OR9Q1: variants seen among roughly 807,000 people sequenced by gnomAD.
OR9Q1 encodes olfactory receptor family 9 subfamily Q member 1.
For missense variants in OR9Q1, 374 were observed against 378.8 expected, an observed-to-expected ratio of 0.99 and a Z score of 0.11; for synonymous variants, 153 against 148.6, an observed-to-expected ratio of 1.03 and a Z score of -0.22.
Position 58,097,729 on chromosome 11 carries a change from G to A in OR9Q1, c.-15+41782G>A, listed in dbSNP as rs147478251. Among the ~76,000 whole-genome samples the A allele has an allele frequency of 4.9e-4, 75 of 152,334 alleles. 1 individual carries two copies. The East Asian group carries it at 0.014, about 27-fold the overall frequency. ...TCTAAATGTTCATCAGCAGGTGAAT[G>A]AGTAAACACATTCTGGTATATCCAT... On this transcript the variant is annotated intron_variant, in intron 2 of 2. Transcript: ENST00000335397.
chr11:58,098,011 C>T (rs1853747908), intron 2 of OR9Q1, among the ~76,000 whole-genome samples: 1 of 152,094 alleles, frequency 6.6e-6, no homozygotes, highest in African/African-American at 2.4e-5. Context: ...TGGATATGTC[C>T]TTTATGTTGA....
chr11:58,077,923 GA>G (rs1206068727), intron 2 of OR9Q1: 1 of 152,170 alleles, frequency 6.6e-6, no homozygotes, highest in African/African-American at 2.4e-5. Flanking sequence ...TTAGGAGGCT[GA>G]GGTGGGCAGA....
chr11:58,169,508 G>T (rs529230481), intron 2 of OR9Q1, among the ~76,000 whole-genome samples: 1 of 152,024 alleles, frequency 6.6e-6, no homozygotes, highest in Admixed American at 6.6e-5. Flanking sequence ...AGCGTAGCAG[G>T]TTTATAATTT....
chr11:58,168,495 G>T (rs1299388272), intron 2 of OR9Q1, among the ~76,000 whole-genome samples: 2 of 151,964 alleles, frequency 1.3e-5, no homozygotes, highest in Non-Finnish European at 1.5e-5. Flanking sequence ...TTTTTTTGTT[G>T]ATCTGGTATG....
At chr11:58,030,886 TCA>T in intron 1 of OR9Q1, 10 of 972,774 alleles carry the variant, frequency 1.0e-5, no homozygotes, top group Non-Finnish European at 1.6e-5. Flanking sequence ...TCCTCCAACC[TCA>T]CAGGTTCTCT....
chr11:58,157,246 C>T (rs1448442316), intron 2 of OR9Q1, among the ~76,000 whole-genome samples: 4 of 152,140 alleles, frequency 2.6e-5, no homozygotes, highest in Non-Finnish European at 5.9e-5. Flanking sequence ...CTACCAGGGT[C>T]GCTCCTACTG....
Position 58,181,020 on chromosome 11 carries a change from A to C in OR9Q1, c.*643A>C, listed in dbSNP as rs568829573. Reference sequence around the variant, plus strand: ...TGATCCAATTAGCAAAGCTGACCCTACTCAAGGTATGCCTTAATATTCTGG... The same window carrying C: ...TGATCCAATTAGCAAAGCTGACCCTCCTCAAGGTATGCCTTAATATTCTGG... On this transcript the variant is annotated 3_prime_UTR_variant, in exon 3 of 3. Transcript: ENST00000335397. The C allele has an allele frequency of 6.0e-5, 10 of 167,162 alleles. No individual in the cohort carries two copies. The South Asian group carries it at 2.1e-3, about 35-fold the overall frequency. 10.4% of individuals were successfully genotyped at this position (167,162 alleles called of 1,614,324 possible).
At chr11:58,068,036 C>G (rs1868882) in intron 2 of OR9Q1, among the ~76,000 whole-genome samples, 1 of 151,952 alleles carries the variant, frequency 6.6e-6, no homozygotes, top group Non-Finnish European at 1.5e-5. Context: ...GCCATGAGCT[C>G]CAATAAAGCC....
At chr11:58,098,710 T>A (rs1438317350) in intron 2 of OR9Q1, among the ~76,000 whole-genome samples, 1 of 152,186 alleles carries the variant, frequency 6.6e-6, no homozygotes, top group African/African-American at 2.4e-5. Context: ...TCATCTGTTT[T>A]CTGTTTTATT....
intron 2 of OR9Q1, among the ~76,000 whole-genome samples, chr11:58,138,413 C>A (rs1854209448): frequency 6.6e-6 from 1 of 151,942 alleles, no homozygotes; most frequent in South Asian, 2.1e-4. Flanking sequence ...TTTTAGTCAG[C>A]AAAAAAGTAG....
At chr11:58,054,485 A>G (rs1853307608) in intron 1 of OR9Q1, among the ~76,000 whole-genome samples, 1 of 152,184 alleles carries the variant, frequency 6.6e-6, no homozygotes, top group African/African-American at 2.4e-5. Flanking sequence ...TTGCATATTT[A>G]TTACTCTTTC....
At chr11:58,031,381 C>T (rs533631942) in intron 1 of OR9Q1, 2 of 1,614,184 alleles carry the variant, frequency 1.2e-6, no homozygotes, top group South Asian at 2.2e-5. Context: ...TGTCCTGGGG[C>T]ACCTGCATCC....
In OR9Q1 at chr11:58,115,306, ATAATT is replaced by A. The variant is rs370998636; in HGVS notation, c.-15+59366_-15+59370del. 8.7e-4 allele frequency among the ~76,000 whole-genome samples: 133 copies of A among 152,316 alleles called. 1 individual carries two copies. The highest frequency in any genetic ancestry group is 3.0e-3 in the African/African-American group (123 of 41,580). ...TTATTTATTGTGAGACTTTGGGTAA[ATAATT>A]TAATTTCTCAGATCTAAAGCAAATA... On this transcript the variant is annotated intron_variant, in intron 2 of 2. Transcript: ENST00000335397.
intron 2 of OR9Q1, among the ~76,000 whole-genome samples, chr11:58,169,877 G>A (rs1452566750): frequency 6.8e-6 from 1 of 147,868 alleles, no homozygotes; most frequent in Non-Finnish European, 1.5e-5. Flanking sequence ...GGTTCTTATT[G>A]CCATTGCTCC....
intron 2 of OR9Q1, among the ~76,000 whole-genome samples, chr11:58,146,345 C>T (rs368226018): frequency 9.9e-5 from 15 of 152,274 alleles, no homozygotes; most frequent in Middle Eastern, 3.4e-3. Flanking sequence ...TAATGACTTC[C>T]TCATCTGCTA....
rs950194323 is a variant in OR9Q1 at position 58,108,870 on chromosome 11, G to A, written c.-15+52923G>A. ...TCTTGTCTTCCTCTGAGGATTTGGCGGAGTTACTTCTCTGGTACATGAAGG... is the reference window on the plus strand; with the variant it reads ...TCTTGTCTTCCTCTGAGGATTTGGCAGAGTTACTTCTCTGGTACATGAAGG... On this transcript the variant is annotated intron_variant, in intron 2 of 2. Coordinates refer to ENST00000335397, the MANE Select transcript of OR9Q1 (RefSeq NM_001005212.4). 51 of 355,300 alleles carry A rather than the reference G, an allele frequency of 1.4e-4. 1 individual carries two copies. The highest frequency in any genetic ancestry group is 2.8e-4 in the South Asian group (13 of 45,802). 22.0% of individuals were successfully genotyped at this position (355,300 alleles called of 1,614,324 possible). A position where few individuals can be genotyped will look rare whatever the true frequency, so the allele number is the denominator to read the frequency against.
rs553958423 is a variant in OR9Q1 at position 58,087,562 on chromosome 11, TCTTA to T, written c.-15+31619_-15+31622del. Among the ~76,000 whole-genome samples the T allele has an allele frequency of 6.6e-5, 10 of 152,108 alleles. No individual in the cohort carries two copies. The South Asian group carries it at 1.5e-3, about 22-fold the overall frequency. On this transcript the variant is annotated intron_variant, in intron 2 of 2. Transcript: ENST00000335397. The stretch of plus-strand genomic sequence containing the variant: ...GGATATTCTTCTTAATTAATTTTTA[TCTTA>T]CTTTAAGTTCTGGGATACATGTGCA...
intron 2 of OR9Q1, among the ~76,000 whole-genome samples, chr11:58,129,374 T>C (rs1854119307): frequency 6.6e-6 from 1 of 152,172 alleles, no homozygotes; most frequent in Non-Finnish European, 1.5e-5. Flanking sequence ...TGCCTCTCTA[T>C]AATCCATTTT....
At chr11:58,141,510 C>G (rs551365505) in intron 2 of OR9Q1, among the ~76,000 whole-genome samples, 19 of 152,246 alleles carry the variant, frequency 1.2e-4, no homozygotes, top group African/African-American at 4.3e-4. Context: ...TGTTTATATG[C>G]TGGATTACGT....
Sources: gnomAD v4.1 joint callset for allele counts (sites outside exome capture counted in the v4.1 genomes callset) on GRCh38, gnomAD v4.1.1 for gene constraint, MANE v1.5 for transcripts, NCBI Gene and HGNC (gene_info 2026-07-23, HGNC 2026-07-21) for gene names.